The following TAMM41 variants were observed in gnomAD, a reference collection of about 807,000 sequenced individuals.
TAMM41 encodes the protein phosphatidate cytidylyltransferase, mitochondrial.
Under a neutral mutation model 44.1 loss-of-function variants are expected in TAMM41, and 36 were observed. The observed-to-expected ratio is 0.82, with a 90% CI of 0.63 to 1.08. The LOEUF (loss-of-function observed/expected upper bound fraction) is 1.08. Among genes scored for constraint, TAMM41 ranks in the 50% least tolerant of loss-of-function variants. The probability of loss-of-function intolerance (pLI) is 0.00; values close to 1 mark genes in which losing one functional copy is unlikely to be tolerated. For missense variants in TAMM41, 417 were observed against 404.3 expected (o/e 1.03, Z -0.27); for synonymous variants, 164 against 153.1 (o/e 1.07, Z -0.53).
At chr3:11,813,874 G>A (rs1485546195) in intron 5 of TAMM41, among the ~76,000 whole-genome samples, 67 of 139,676 alleles carry the variant, frequency 4.8e-4, no homozygotes, top group African/African-American at 1.7e-3. Flanking sequence ...GTATATATAT[G>A]TATATATGTA....
At chr3:11,757,605 C>T in the TAMM41 span, among the ~76,000 whole-genome samples, 3 of 152,320 alleles carry the variant, frequency 2.0e-5, no homozygotes, top group East Asian at 3.9e-4. Context: ...CATGATGTCA[C>T]CTTGTTTATT....
chr3:11,744,795 G>C, the TAMM41 span, among the ~76,000 whole-genome samples: 8 of 152,204 alleles, frequency 5.3e-5, no homozygotes, highest in Non-Finnish European at 1.5e-5. Context: ...AGGAGGCCAA[G>C]GCAAGAGGAT....
At chr3:11,802,950 C>T (rs78531175) in intron 7 of TAMM41, among the ~76,000 whole-genome samples, 2 of 152,196 alleles carry the variant, frequency 1.3e-5, no homozygotes, top group South Asian at 4.1e-4. Flanking sequence ...GGACAAAAAC[C>T]ACATGATTGT....
downstream of TAMM41, among the ~76,000 whole-genome samples, chr3:11,789,739 A>C (rs896121661): frequency 2.0e-4 from 31 of 152,178 alleles, no homozygotes; most frequent in African/African-American, 6.8e-4. Context: ...GGCCATCTGA[A>C]AGGAGTCTTC....
Position 11,829,658 on chromosome 3 carries a change from A to C in TAMM41, c.562+56T>G, listed in dbSNP as rs918848270. On this transcript the variant is annotated intron_variant, in intron 4 of 7. Coordinates refer to ENST00000455809, the MANE Select transcript of TAMM41 (RefSeq NM_001284401.2). ...GGCCGAGTGAGAACAGGATATCCGC[A>C]GTCTTCAAATATAAATCTCTCCCTT... is the stretch of plus-strand genomic sequence containing the variant. 6.3e-6 allele frequency: 10 copies of C among 1,588,890 alleles called. No individual in the cohort carries two copies. In the Admixed American group the frequency reaches 1.0e-4, roughly 16 times the overall value.
chr3:11,819,116 T>C (rs145598420), intron 4 of TAMM41, among the ~76,000 whole-genome samples: 1 of 152,174 alleles, frequency 6.6e-6, no homozygotes, highest in Non-Finnish European at 1.5e-5. Context: ...AAATCAGTCC[T>C]TTCACATATT....
chr3:11,807,140 A>C, intron 7 of TAMM41: 3 of 982,280 alleles, frequency 3.1e-6, no homozygotes, highest in Non-Finnish European at 3.6e-6. Context: ...GATACAGTAA[A>C]TGGGGGACCC....
the TAMM41 span, among the ~76,000 whole-genome samples, chr3:11,762,708 C>G: frequency 6.6e-6 from 1 of 152,178 alleles, no homozygotes; most frequent in Non-Finnish European, 1.5e-5. Context: ...TAACAAACAT[C>G]ATGGCCAAAG....
chr3:11,809,626 TA>T lies in TAMM41; in HGVS notation c.764del (p.Leu255TyrfsTer5). ...FTQLMTLPKTLQQQINHIMDP... is the reference protein window; with the variant it reads ...FTQLMTLPKTXQQQINHIMDP... ...CCATAATATGATTTATCTGTTGCTG[TA>T]AGGTTTTGGGCAATGTCATCAGCTG... is the stretch of plus-strand genomic sequence containing the variant. On this transcript the variant is annotated frameshift_variant, in exon 6 of 8. Transcript: ENST00000455809. LOFTEE classifies it high-confidence loss of function. The T allele has an allele frequency of 6.2e-7, 1 of 1,614,160 alleles. No individual in the cohort carries two copies. The highest frequency in any genetic ancestry group is 2.2e-5 in the East Asian group (1 of 44,882).
the TAMM41 span, among the ~76,000 whole-genome samples, chr3:11,751,353 A>G: frequency 6.6e-6 from 1 of 152,046 alleles, no homozygotes; most frequent in African/African-American, 2.4e-5. Context: ...CGGCCCCCCA[A>G]AGAGCTGGGA....
intron 5 of TAMM41, among the ~76,000 whole-genome samples, chr3:11,813,359 A>T (rs1027346697): frequency 5.3e-5 from 8 of 152,034 alleles, no homozygotes; most frequent in African/African-American, 1.9e-4. Flanking sequence ...GTGAAACCTC[A>T]TCTCTACTAA....
At chr3:11,752,953 C>T in the TAMM41 span, among the ~76,000 whole-genome samples, 3 of 151,812 alleles carry the variant, frequency 2.0e-5, no homozygotes, top group Non-Finnish European at 2.9e-5. Context: ...CCACGCCTGG[C>T]CCATATGAAG....
the TAMM41 span, among the ~76,000 whole-genome samples, chr3:11,733,929 C>A: frequency 6.6e-6 from 1 of 152,074 alleles, no homozygotes; most frequent in African/African-American, 2.4e-5. Flanking sequence ...GCCTCTGGGG[C>A]CCCAGAGTTC....
chr3:11,779,177 C>T, the TAMM41 span, among the ~76,000 whole-genome samples: 5 of 152,184 alleles, frequency 3.3e-5, no homozygotes, highest in African/African-American at 1.2e-4. Flanking sequence ...GTGACCTCTA[C>T]ACACTGGTTC....
chr3:11,751,323 C>T, the TAMM41 span, among the ~76,000 whole-genome samples: 2 of 152,064 alleles, frequency 1.3e-5, no homozygotes, highest in Non-Finnish European at 2.9e-5. Context: ...AACTCCCGAC[C>T]TCAAGTGATC....
chr3:11,770,124 G>A, the TAMM41 span, among the ~76,000 whole-genome samples: 4 of 152,224 alleles, frequency 2.6e-5, no homozygotes, highest in African/African-American at 7.2e-5. Flanking sequence ...ATGTGTGATT[G>A]GTCCCGCACT....
chr3:11,744,526 T>G, the TAMM41 span, among the ~76,000 whole-genome samples: 20 of 151,510 alleles, frequency 1.3e-4, no homozygotes, highest in Non-Finnish European at 2.5e-4. Context: ...GAAACCCCAT[T>G]TCTACTAAAA....
At chr3:11,841,614 T>C (rs2079446954) in intron 2 of TAMM41, among the ~76,000 whole-genome samples, 2 of 152,194 alleles carry the variant, frequency 1.3e-5, no homozygotes, top group Non-Finnish European at 1.5e-5. Flanking sequence ...TAATATTCTT[T>C]GAAAATTACT....
intron 2 of TAMM41, among the ~76,000 whole-genome samples, chr3:11,841,139 G>A (rs2079422333): frequency 1.5e-5 from 2 of 136,702 alleles, no homozygotes; most frequent in Non-Finnish European, 3.0e-5. Context: ...CTGGAGTGCA[G>A]TGGCATGATT....
Sources: gnomAD v4.1 joint callset for allele counts (sites outside exome capture counted in the v4.1 genomes callset) on GRCh38, gnomAD v4.1.1 for gene constraint, MANE v1.5 for transcripts, NCBI Gene and HGNC (gene_info 2026-07-23, HGNC 2026-07-21) for gene names.